The following CYP2U1 variants were observed in gnomAD, a reference collection of about 807,000 sequenced individuals.
CYP2U1 encodes the protein cytochrome P450 2U1.
Under a neutral mutation model 42.8 loss-of-function variants are expected in CYP2U1, and 28 were observed. The observed-to-expected ratio is 0.65, with a 90% CI of 0.48 to 0.90. CYP2U1 has a LOEUF of 0.90. Among genes scored for constraint, CYP2U1 ranks in the 40% least tolerant of loss-of-function variants. CYP2U1 has a pLI of 0.00. For synonymous variants in CYP2U1, 296 were observed against 278.9 expected (o/e 1.06, Z -0.61); for missense variants, 642 against 693.8 (o/e 0.93, Z 0.84).
Position 107,949,505 on chromosome 4 carries a change from C to A in CYP2U1, c.1444C>A (p.Pro482Thr). The change falls in exon 4 of 5, where the codon CCT (proline) becomes ACT (threonine). Residue 482 changes from proline to threonine, a missense_variant. Physicochemically the swap from Pro to Thr is conservative, Grantham distance 38. Transcript: ENST00000332884. ...ACTAATTAAAAAAGAAACCTTTATT[C>A]CTTTTGGGATAGGTCAGTTACACTT... ...GQLIKKETFI[P>T]FGIGKRVCMG... 1 of 1,580,970 alleles carries A rather than the reference C, an allele frequency of 6.3e-7. No homozygotes were observed. The highest frequency in any genetic ancestry group is 8.6e-7 in the Non-Finnish European group (1 of 1,163,332).
chr4:107,950,192 T>C (rs544449820), intron 4 of CYP2U1, 53 bp from the exon 5 acceptor site: 2 of 1,482,086 alleles, frequency 1.3e-6, no homozygotes, highest in East Asian at 2.3e-5. Flanking sequence ...CTTTTTGAAA[T>C]AGGAGAAGGG....
At chr4:107,947,602 T>C (rs1733747107) in intron 3 of CYP2U1, 65 bp downstream of exon 3, 2 of 1,545,316 alleles carry the variant, frequency 1.3e-6, no homozygotes, top group East Asian at 4.5e-5. Flanking sequence ...TCCAGGGTAG[T>C]TGAGGTGAGG....
intron 3 of CYP2U1, 115 bp downstream of exon 3, chr4:107,947,652 T>G (rs941568342): frequency 4.9e-6 from 5 of 1,021,272 alleles, no homozygotes; most frequent in Non-Finnish European, 7.2e-6. Flanking sequence ...TTCTGAAGAT[T>G]TAGCATTGTG....
At position 107,931,677 on chromosome 4, in the gene CYP2U1, G is replaced by A. The variant is rs996884345; in HGVS notation, c.34G>A (p.Glu12Lys). 2.4e-6 allele frequency: 3 copies of A among 1,271,464 alleles called. No homozygotes were observed. Among genetic ancestry groups the A allele is most frequent in the South Asian group, 2.9e-5 (1 of 34,346 alleles). The allele number at this position is 1,271,464 out of a possible 1,614,324, so 78.8% of individuals were successfully genotyped here. A position where few individuals can be genotyped will look rare whatever the true frequency, so the allele number is the denominator to read the frequency against. ...SSPGPSQPPA[E>K]DPPWPARLLR... ...TCCGGGGCCGTCGCAGCCGCCGGCC[G>A]AGGACCCGCCCTGGCCCGCGCGCCT... Residue 12 changes from glutamate to lysine, a missense_variant, in exon 1 of 5, where the codon GAG becomes AAG. Transcript: ENST00000332884.
intron 1 of CYP2U1, chr4:107,940,146 A>T (rs1733430812): frequency 6.7e-6 from 1 of 149,860 alleles, no homozygotes; most frequent in Admixed American, 6.7e-5. Context: ...TTGGCGTGAT[A>T]TCAGCTTACT....
At chr4:107,949,191 G>T (rs931919211) in intron 3 of CYP2U1, among the ~76,000 whole-genome samples, 159 bp from the exon 4 acceptor site, 3 of 152,036 alleles carry the variant, frequency 2.0e-5, no homozygotes, top group Non-Finnish European at 2.9e-5. Flanking sequence ...GATGCCAGTT[G>T]GTAAGATCTT....
intron 1 of CYP2U1, among the ~76,000 whole-genome samples, chr4:107,943,689 C>A (rs1733577943): frequency 6.6e-6 from 1 of 152,172 alleles, no homozygotes; most frequent in Non-Finnish European, 1.5e-5. Context: ...CATTGAAAGA[C>A]ATTTTCAAGG....
chr4:107,933,734 C>T (rs1733139815), intron 1 of CYP2U1, among the ~76,000 whole-genome samples: 1 of 152,160 alleles, frequency 6.6e-6, no homozygotes, highest in Non-Finnish European at 1.5e-5. Flanking sequence ...TATGCATATC[C>T]TCTTGGATAC....
intron 1 of CYP2U1, chr4:107,936,280 A>G (rs1160314616): frequency 6.6e-6 from 1 of 152,228 alleles, no homozygotes; most frequent in African/African-American, 2.4e-5. Context: ...GGTGTCCCCA[A>G]ATGTTTATGT....
In CYP2U1 at chr4:107,950,749, T is replaced by G. The variant is rs956436012; in HGVS notation, c.*326T>G. 3 of 202,958 alleles carry G rather than the reference T, an allele frequency of 1.5e-5. No individual in the cohort carries two copies. The highest frequency in any genetic ancestry group is 5.4e-5 in the Admixed American group (1 of 18,422). The allele number at this position is 202,958 out of a possible 1,614,324, so 12.6% of individuals were successfully genotyped here. On this transcript the variant is annotated 3_prime_UTR_variant, in exon 5 of 5. Transcript: ENST00000332884. The stretch of plus-strand genomic sequence containing the variant: ...CTTAGTGCCTCAGACATCCCATATG[T>G]AAAATGAGAGTAATAAAACTTGGCT...
intron 1 of CYP2U1, among the ~76,000 whole-genome samples, chr4:107,937,179 C>G (rs1223103728): frequency 6.6e-6 from 1 of 151,990 alleles, no homozygotes. Context: ...ATAGATCAGT[C>G]TGATATATAC....
Position 107,931,901 on chromosome 4 carries a change from G to A in CYP2U1, c.258G>A (p.Trp86Ter). Residue 86 changes from tryptophan (W) to a stop codon, truncating the protein, a stop_gained, in exon 1 of 5, where the codon TGG becomes TGA. Coordinates refer to ENST00000332884, the MANE Select transcript of CYP2U1 (RefSeq NM_183075.3). LOFTEE classifies it high-confidence loss of function. Reference protein sequence around the residue: ...LLPPFLRRRSWLSSRTRAAGI... With the variant: ...LLPPFLRRRS ...CTCCCTTCCTCCGGCGGCGGAGCTG[G>A]CTGAGCAGCAGGACCAGGGCCGCAG... 2 of 1,549,986 alleles carry A rather than the reference G, an allele frequency of 1.3e-6. No homozygotes were observed. The highest frequency in any genetic ancestry group is 1.2e-5 in the South Asian group (1 of 83,968).
intron 1 of CYP2U1, among the ~76,000 whole-genome samples, chr4:107,934,238 G>A (rs1320940949): frequency 1.4e-5 from 2 of 143,930 alleles, no homozygotes; most frequent in Admixed American, 7.0e-5. Context: ...TTGAGAATGT[G>A]TACCCTGAGA....
rs746892717 is a variant in CYP2U1, at chr4:107,945,405, T to C, written c.926T>C (p.Leu309Pro). ...KKIIKDHQES[L>P]DRENPQDFID... ...ATCATCAAAGACCATCAAGAGTCTC[T>C]GGATAGAGAGAACCCTCAGGACTTC... The change falls in exon 2 of 5, where the codon CTG (leucine) becomes CCG (proline). Residue 309 changes from leucine (L) to proline (P), a missense_variant. By Grantham distance (98) the Leu-to-Pro change is moderately conservative (BLOSUM62 -3). Transcript: ENST00000332884. 6.2e-7 allele frequency: 1 copy of C among 1,614,018 alleles called. No homozygotes were observed. Among genetic ancestry groups the C allele is most frequent in the South Asian group, 1.1e-5 (1 of 91,074 alleles).
At chr4:107,941,401 A>T (rs1031335846) in intron 1 of CYP2U1, 2 of 152,196 alleles carry the variant, frequency 1.3e-5, no homozygotes, top group African/African-American at 2.4e-5. Flanking sequence ...TTAAGGGTAC[A>T]GAAAATTTGG....
rs761487133 is a variant in CYP2U1 at position 107,944,967 on chromosome 4, C to G, written c.491-3C>G. On this transcript the variant is annotated splice_region_variant and splice_polypyrimidine_tract_variant and intron_variant, in intron 1 of 4. Coordinates refer to ENST00000332884, the MANE Select transcript of CYP2U1 (RefSeq NM_183075.3). ...ATCTTCCTTTCTTGGTGTCCCTTTG[C>G]AGGGGTTGTGTTTGCACATTATGGT... 1 of 1,600,892 alleles carries G rather than the reference C, an allele frequency of 6.2e-7. No homozygotes were observed. Among genetic ancestry groups the G allele is most frequent in the Admixed American group, 1.7e-5 (1 of 58,008 alleles).
chr4:107,932,590 A>C lies in CYP2U1; in HGVS notation c.490+457A>C, dbSNP rs192732156. ...ATTTCCAATAAGATAAAAAGTCCAG[A>C]AAACACAGAAGAAGCCTATTACCAA... On this transcript the variant is annotated intron_variant, in intron 1 of 4. Coordinates refer to ENST00000332884, the MANE Select transcript of CYP2U1 (RefSeq NM_183075.3). Among the ~76,000 whole-genome samples the C allele has an allele frequency of 8.5e-5, 13 of 152,370 alleles. 1 individual carries two copies. The highest frequency in any genetic ancestry group is 4.6e-4 in the Admixed American group (7 of 15,312).
chr4:107,939,337 T>C (rs901673408), intron 1 of CYP2U1, among the ~76,000 whole-genome samples: 1 of 152,168 alleles, frequency 6.6e-6, no homozygotes, highest in Non-Finnish European at 1.5e-5. Flanking sequence ...ATTAAACTTT[T>C]GTAGCCTAGG....
In CYP2U1 at chr4:107,945,231, T is replaced by C; in HGVS notation, c.752T>C (p.Met251Thr). ...TACACTAATAGTGAGTTCAAGAAAA[T>C]GCTTGGTTTTATGTCACGAGGCCTA... ...FDYTNSEFKK[M>T]LGFMSRGLEI... The change falls in exon 2 of 5, where the codon ATG (methionine) becomes ACG (threonine). Residue 251 changes from methionine (M) to threonine (T), a missense_variant. Physicochemically the swap from Met to Thr is moderately conservative, Grantham distance 81. Transcript: ENST00000332884. The C allele has an allele frequency of 6.2e-7, 1 of 1,614,092 alleles. No homozygotes were observed. Among genetic ancestry groups the C allele is most frequent in the South Asian group, 1.1e-5 (1 of 91,078 alleles).
Sources: allele counts gnomAD v4.1 joint callset (sites outside exome capture counted in the v4.1 genomes callset), GRCh38; gene constraint gnomAD v4.1.1; transcripts MANE v1.5; gene names NCBI Gene and HGNC (gene_info 2026-07-23, HGNC 2026-07-21).